APEH: variants seen among roughly 807,000 people sequenced by gnomAD.
APEH encodes acylaminoacyl-peptide hydrolase.
Under a neutral mutation model 102.7 loss-of-function variants are expected in APEH, and 75 were observed. The observed-to-expected ratio is 0.73, with a 90% CI of 0.61 to 0.89. The LOEUF (loss-of-function observed/expected upper bound fraction) is 0.89. Among genes scored for constraint, APEH ranks in the 40% least tolerant of loss-of-function variants. The pLI, the probability that APEH is intolerant of heterozygous loss-of-function variation, is 0.00. For missense variants in APEH, 863 were observed against 941.2 expected (o/e 0.92, Z 1.09); for synonymous variants, 344 against 362.7 (o/e 0.95, Z 0.59).
rs747594871 is a variant in APEH, at chr3:49,678,907, C to G, written c.1116C>G (p.Asp372Glu). The change falls in exon 12 of 22, where the codon GAC becomes GAG. Residue 372 changes from aspartate to glutamate, a missense_variant. Transcript: ENST00000296456. ...SLLPLGCWSADSQRVVFDSAQ... is the reference protein window; with the variant it reads ...SLLPLGCWSAESQRVVFDSAQ... ...TGCCTTTGGGATGCTGGTCAGCTGA[C>G]AGCCAGAGAGTGGTCTTTGACTCGG... The G allele has an allele frequency of 6.2e-7, 1 of 1,613,944 alleles. No individual in the cohort carries two copies. Among genetic ancestry groups the G allele is most frequent in the East Asian group, 2.2e-5 (1 of 44,880 alleles).
At chr3:49,678,241 C>T (rs2053160252) in intron 11 of APEH, among the ~76,000 whole-genome samples, 1 of 152,148 alleles carries the variant, frequency 6.6e-6, no homozygotes, top group African/African-American at 2.4e-5. Context: ...GTTCAGTGGA[C>T]AAGGGATAGC....
Position 49,675,401 on chromosome 3 carries a change from C to T in APEH, c.272+92C>T, listed in dbSNP as rs2052983228. 43 of 1,530,948 alleles carry T rather than the reference C, an allele frequency of 2.8e-5. 1 individual carries two copies. The South Asian group carries it at 4.9e-4, about 18-fold the overall frequency. 94.8% of individuals were successfully genotyped at this position (1,530,948 alleles called of 1,614,324 possible). On this transcript the variant is annotated intron_variant, in intron 3 of 21. Transcript: ENST00000296456. ...GCTCACCATGTGCCTAGAAGGGAGGCCAGCAGCCAGGTTCTTGCCCCCTTG... is the reference window on the plus strand; with the variant it reads ...GCTCACCATGTGCCTAGAAGGGAGGTCAGCAGCCAGGTTCTTGCCCCCTTG...
chr3:49,683,515 G>T lies in APEH; in HGVS notation c.*173G>T. 3 of 622,362 alleles carry T rather than the reference G, an allele frequency of 4.8e-6. No homozygotes were observed. The highest frequency in any genetic ancestry group is 8.4e-6 in the Non-Finnish European group (3 of 355,656). The allele number at this position is 622,362 out of a possible 1,614,324, so 38.6% of individuals were successfully genotyped here. A position where few individuals can be genotyped will look rare whatever the true frequency, so the allele number is the denominator to read the frequency against. On this transcript the variant is annotated 3_prime_UTR_variant, in exon 22 of 22. Transcript: ENST00000296456. Reference sequence around the variant, plus strand: ...AATTAGGACACAGAGCCTGGTTCCTGCTGGTACTTTGTACCAAACCATCCC... The same window carrying T: ...AATTAGGACACAGAGCCTGGTTCCTTCTGGTACTTTGTACCAAACCATCCC...
upstream of APEH, among the ~76,000 whole-genome samples, chr3:49,673,631 C>A (rs558206298): frequency 6.6e-6 from 1 of 152,258 alleles, no homozygotes; most frequent in Non-Finnish European, 1.5e-5. Context: ...GCGCCCTCCG[C>A]CCGGACCCTG....
rs2053119310 is a variant in APEH, at chr3:49,677,572, G to T, written c.1000-1G>T. The T allele has an allele frequency of 6.2e-7, 1 of 1,613,456 alleles. No homozygotes were observed. Among genetic ancestry groups the T allele is most frequent in the East Asian group, 2.2e-5 (1 of 44,880 alleles). ...GACCTGACCATTGTGTTCTCTTGCAGTATGACTGGTATACCAAGGTTACCT... is the reference window on the plus strand; with the variant it reads ...GACCTGACCATTGTGTTCTCTTGCATTATGACTGGTATACCAAGGTTACCT... On this transcript the variant is annotated splice_acceptor_variant, in intron 10 of 21. Transcript: ENST00000296456. LOFTEE classifies it high-confidence loss of function.
In APEH at chr3:49,675,952, C is replaced by T. The variant is rs1430999618; in HGVS notation, c.428C>T (p.Pro143Leu). Residue 143 changes from proline to leucine, a missense_variant, in exon 5 of 22, where the codon CCT becomes CTT. By Grantham distance (98) the Pro-to-Leu change is moderately conservative. Coordinates refer to ENST00000296456, the MANE Select transcript of APEH (RefSeq NM_001640.4). Reference sequence around the variant, plus strand: ...CTGTCAGCGCTGGAGAAACATGGGCCTGTTTATGAGGATGGTGAGGCATCT... The same window carrying T: ...CTGTCAGCGCTGGAGAAACATGGGCTTGTTTATGAGGATGGTGAGGCATCT... ...FNLSALEKHG[P>L]VYEDDCFGCL... is the part of the protein sequence containing the mutation. 1 of 1,614,068 alleles carries T rather than the reference C, an allele frequency of 6.2e-7. No individual in the cohort carries two copies. Among genetic ancestry groups the T allele is most frequent in the Non-Finnish European group, 8.5e-7 (1 of 1,180,028 alleles).
At chr3:49,676,880 G>C (rs758346261) in intron 9 of APEH, 23 bp from the exon 10 acceptor site, 12 of 1,614,238 alleles carry the variant, frequency 7.4e-6, no homozygotes, top group Non-Finnish European at 1.0e-5. Flanking sequence ...CCTGCGTGAT[G>C]CTCATGTTTC....
rs761390455 is a variant in APEH at position 49,676,081 on chromosome 3, G to A, written c.468G>A (p.Ser156=). 11 of 1,614,070 alleles carry A rather than the reference G, an allele frequency of 6.8e-6. No individual in the cohort carries two copies. The highest frequency in any genetic ancestry group is 4.4e-5 in the South Asian group (4 of 91,094). ...EDDCFGCLSW[S]HSETHLLYVA... is the part of the protein sequence containing the mutation. ...ACTGCTTTGGCTGCCTGTCCTGGTCGCACTCGGAGACACACTTGTTGTATG... is the reference window on the plus strand; with the variant it reads ...ACTGCTTTGGCTGCCTGTCCTGGTCACACTCGGAGACACACTTGTTGTATG... Residue 156 remains serine (S), a synonymous_variant, in exon 6 of 22, where the codon TCG becomes TCA. Transcript: ENST00000296456.
intron 14 of APEH, 95 bp downstream of exon 14, chr3:49,680,724 G>C: frequency 8.6e-7 from 1 of 1,163,744 alleles, no homozygotes; most frequent in South Asian, 1.3e-5. Flanking sequence ...TGACCTGGCT[G>C]GTCAGCATAC....
chr3:49,681,980 G>T lies in APEH; in HGVS notation c.1603+13G>T, dbSNP rs951439620. On this transcript the variant is annotated intron_variant, in intron 17 of 21. Coordinates refer to ENST00000296456, the MANE Select transcript of APEH (RefSeq NM_001640.4). ...GCGGTACTACTAGGTGAGTGAGCAG[G>T]GACCCACAGTTCTGTTAGGACTACA... The T allele has an allele frequency of 6.2e-7, 1 of 1,609,896 alleles. No individual in the cohort carries two copies.
intron 6 of APEH, 28 bp downstream of exon 6, chr3:49,676,247 G>T (rs371914233): frequency 6.8e-6 from 11 of 1,612,322 alleles, no homozygotes; most frequent in East Asian, 2.2e-5. Context: ...ACGAAGGCCC[G>T]GCAGGGCAGC....
chr3:49,676,145 C>T lies in APEH; in HGVS notation c.532C>T (p.Gln178Ter). Residue 178 changes from glutamine (Q) to a stop codon, truncating the protein, a stop_gained, in exon 6 of 22, where the codon CAG becomes TAG. Transcript: ENST00000296456. LOFTEE classifies it high-confidence loss of function. ...KKRPKAESFF[Q>*]TKALDVSASD... ...GCGCCCCAAGGCCGAGTCCTTCTTTCAGACCAAAGCCTTGGACGTCAGTGC... is the reference window on the plus strand; with the variant it reads ...GCGCCCCAAGGCCGAGTCCTTCTTTTAGACCAAAGCCTTGGACGTCAGTGC... 6.2e-7 allele frequency: 1 copy of T among 1,614,212 alleles called. No homozygotes were observed. The highest frequency in any genetic ancestry group is 8.5e-7 in the Non-Finnish European group (1 of 1,180,044).
At chr3:49,681,595 T>C in intron 15 of APEH, 127 bp from the exon 16 acceptor site, 1 of 840,568 alleles carries the variant, frequency 1.2e-6, no homozygotes, top group South Asian at 1.9e-5. Context: ...GGTCCATGTG[T>C]CATGGTGTGG....
upstream of APEH, chr3:49,674,323 C>A (rs1048863469): frequency 6.7e-7 from 1 of 1,502,476 alleles, no homozygotes; most frequent in South Asian, 1.2e-5. Flanking sequence ...CAGCCCGGGC[C>A]GTCCCAGGCT....
In APEH at chr3:49,683,480, A is replaced by C. The variant is rs952435614; in HGVS notation, c.*138A>C. 15 of 717,734 alleles carry C rather than the reference A, an allele frequency of 2.1e-5. No homozygotes were observed. The highest frequency in any genetic ancestry group is 3.5e-5 in the African/African-American group (2 of 56,544). 44.5% of individuals were successfully genotyped at this position (717,734 alleles called of 1,614,324 possible). ...GTGGGCAGAGGAATGTGGGCTATGT[A>C]GTCATAATAAATTAGGACACAGAGC... is the stretch of plus-strand genomic sequence containing the variant. On this transcript the variant is annotated 3_prime_UTR_variant, in exon 22 of 22. Transcript: ENST00000296456.
upstream of APEH, among the ~76,000 whole-genome samples, chr3:49,673,140 T>A: frequency 7.3e-6 from 1 of 137,244 alleles, no homozygotes; most frequent in East Asian, 2.2e-4. Flanking sequence ...CTTGAGTAAG[T>A]AATGATGCGG....
intron 5 of APEH, 36 bp downstream of exon 5, chr3:49,676,002 A>G (rs1575465986): frequency 6.2e-7 from 1 of 1,614,184 alleles, no homozygotes; most frequent in Non-Finnish European, 8.5e-7. Flanking sequence ...CAGGGTGGAC[A>G]GGAGGGGTAG....
In APEH at chr3:49,674,515, G is replaced by A; in HGVS notation, c.39G>A (p.Ala13=). The change falls in exon 2 of 22, where the codon GCG becomes GCA. Residue 13 remains alanine (A), a synonymous_variant. Transcript: ENST00000296456. ...TGCTGCTGAGCGAGCCCGAGGAGGC[G>A]GCGGCTCTGTATCGGGGCCTTAGCC... ...RQVLLSEPEE[A]AALYRGLSRQ... 6 of 1,566,460 alleles carry A rather than the reference G, an allele frequency of 3.8e-6. No individual in the cohort carries two copies. Among genetic ancestry groups the A allele is most frequent in the Non-Finnish European group, 5.2e-6 (6 of 1,163,460 alleles).
intron 11 of APEH, 86 bp downstream of exon 11, chr3:49,677,719 T>C (rs898964036): frequency 1.1e-5 from 15 of 1,341,804 alleles, no homozygotes; most frequent in Non-Finnish European, 1.5e-5. Context: ...CGTTCTTCTT[T>C]CCTAGGTTCC....
Sources: gnomAD v4.1 joint callset for allele counts (sites outside exome capture counted in the v4.1 genomes callset) on GRCh38, gnomAD v4.1.1 for gene constraint, MANE v1.5 for transcripts, NCBI Gene and HGNC (gene_info 2026-07-23, HGNC 2026-07-21) for gene names.